UNC80: variants seen among roughly 807,000 people sequenced by gnomAD.
UNC80 encodes unc-80 subunit of NALCN channel complex, also known as protein unc-80 homolog.
A neutral mutation model predicts 384.6 loss-of-function variants in UNC80; 164 were observed. The ratio of observed to expected loss-of-function variants is 0.43; its 90% CI spans 0.38 to 0.49. The LOEUF is 0.49. UNC80 is among the 20% of genes least tolerant of loss of function. The probability of loss-of-function intolerance (pLI) is 0.00; values close to 1 mark genes in which losing one functional copy is unlikely to be tolerated. For synonymous variants in UNC80, 1,486 were observed against 1,527.8 expected (o/e 0.97, Z 0.64); for missense variants, 3,330 against 4,143.0 (o/e 0.80, Z 5.39).
At chr2:209,917,334 G>A (rs2089631144) in intron 31 of UNC80, among the ~76,000 whole-genome samples, 2 of 152,138 alleles carry the variant, frequency 1.3e-5, no homozygotes, top group African/African-American at 4.8e-5. Flanking sequence ...CTCTGGGAAG[G>A]ATATATGTTT....
intron 21 of UNC80, among the ~76,000 whole-genome samples, chr2:209,843,733 C>T (rs2124825347): frequency 6.6e-6 from 1 of 152,216 alleles, no homozygotes; most frequent in African/African-American, 2.4e-5. Flanking sequence ...AGGACAAATG[C>T]AAAGATGTAA....
rs745808855 is a variant in UNC80, at chr2:209,841,742, T to C, written c.3358-608T>C. 7.7e-4 allele frequency among the ~76,000 whole-genome samples: 117 copies of C among 152,202 alleles called. 1 individual carries two copies. Among genetic ancestry groups the C allele is most frequent in the Non-Finnish European group, 2.4e-4 (16 of 68,048 alleles). On this transcript the variant is annotated intron_variant, in intron 20 of 64. Coordinates refer to ENST00000673920, the MANE Select transcript of UNC80 (RefSeq NM_001371986.1). ...GACTATAGCATATTTAGAAAATATA[T>C]GTATCATTCCTTCCTTACCTTCTAT...
At chr2:209,826,391 A>T (rs1400896775) in intron 14 of UNC80, among the ~76,000 whole-genome samples, 2 of 152,342 alleles carry the variant, frequency 1.3e-5, no homozygotes. Flanking sequence ...GGCCTGTAAC[A>T]AATGACTTTT....
chr2:209,924,122 A>C (rs1662887636), intron 35 of UNC80, among the ~76,000 whole-genome samples: 2 of 152,144 alleles, frequency 1.3e-5, no homozygotes, highest in Admixed American at 1.3e-4. Context: ...GGGTTAGTTT[A>C]TGTTGACTGC....
chr2:209,809,354 C>A, intron 7 of UNC80: 2 of 899,866 alleles, frequency 2.2e-6, no homozygotes. Context: ...AAGGCCTTCT[C>A]CAGACCCTGG....
chr2:209,976,278 T>C lies in UNC80; in HGVS notation c.8747T>C (p.Leu2916Pro), dbSNP rs2093011351. The change falls in exon 57 of 65, where the codon CTT (leucine) becomes CCT (proline). Residue 2916 changes from leucine (L) to proline (P), a missense_variant. This residue lies in a region of UNC80 where 1,049 missense variants were observed against 1,488.6 expected (regional missense o/e 0.70). Transcript: ENST00000673920. This position sits in a 1 kb window ranked among gnomAD's most constrained non-coding sequence, Gnocchi z 4.3. ...IVRTRIPIFVLLRPFIQCKLL... is the reference protein window; with the variant it reads ...IVRTRIPIFVPLRPFIQCKLL... ...CGGACCCGAATACCCATCTTTGTGC[T>C]TTTGCGCCCTTTCATCCAGTGCAAG... 1.3e-6 allele frequency: 2 copies of C among 1,551,674 alleles called. No homozygotes were observed. The highest frequency in any genetic ancestry group is 1.7e-6 in the Non-Finnish European group (2 of 1,147,022).
chr2:209,979,210 A>G (rs558075200), intron 59 of UNC80, among the ~76,000 whole-genome samples: 2 of 152,208 alleles, frequency 1.3e-5, no homozygotes, highest in African/African-American at 2.4e-5. Flanking sequence ...GATCGCGCCA[A>G]TGCACTCCAG....
chr2:209,957,619 G>GT, intron 48 of UNC80, 25 bp from the exon 49 acceptor site: 16 of 1,529,280 alleles, frequency 1.0e-5, no homozygotes, highest in Non-Finnish European at 1.4e-5. Flanking sequence ...TTGTTTTGCT[G>GT]TGGTGATTAC....
chr2:209,809,074 G>A (rs927598417), intron 7 of UNC80: 13 of 480,572 alleles, frequency 2.7e-5, no homozygotes, highest in Non-Finnish European at 5.0e-5. Context: ...TGAGGACAGC[G>A]GGAAAGGCTC....
At chr2:209,809,075 G>A in intron 7 of UNC80, 1 of 484,440 alleles carries the variant, frequency 2.1e-6, no homozygotes, top group Non-Finnish European at 3.8e-6. Flanking sequence ...GAGGACAGCG[G>A]GAAAGGCTCC....
chr2:209,871,390 G>A (rs1306690293), intron 22 of UNC80, among the ~76,000 whole-genome samples: 1 of 151,946 alleles, frequency 6.6e-6, no homozygotes, highest in Non-Finnish European at 1.5e-5. Context: ...CTTAAATGGG[G>A]GACATTATTT....
chr2:209,895,029 C>T (rs2086675843), intron 27 of UNC80, among the ~76,000 whole-genome samples: 1 of 152,054 alleles, frequency 6.6e-6, no homozygotes, highest in Admixed American at 6.6e-5. Flanking sequence ...AGAAGATGAC[C>T]ATACAATGTG....
At chr2:209,792,668 T>C (rs1304006478) in intron 6 of UNC80, among the ~76,000 whole-genome samples, 1 of 152,190 alleles carries the variant, frequency 6.6e-6, no homozygotes, top group Non-Finnish European at 1.5e-5. Flanking sequence ...CTTTTTATAT[T>C]GATTCTATGT....
In UNC80 at chr2:209,929,723, A is replaced by G. The variant is rs115198266; in HGVS notation, c.5807-148A>G. On this transcript the variant is annotated intron_variant, in intron 36 of 64. Coordinates refer to ENST00000673920, the MANE Select transcript of UNC80 (RefSeq NM_001371986.1). Reference sequence around the variant, plus strand: ...ATGTTCAGAGACAACAACGAAGAGAACAAACACCTACGTTGCAAAAGAAAA... The same window carrying G: ...ATGTTCAGAGACAACAACGAAGAGAGCAAACACCTACGTTGCAAAAGAAAA... 8.4e-3 allele frequency: 4,538 copies of G among 541,526 alleles called. 30 individuals carry two copies. Among genetic ancestry groups the G allele is most frequent in the Non-Finnish European group, 0.012 (3,784 of 317,384 alleles). The allele number at this position is 541,526 out of a possible 1,614,324, so 33.5% of individuals were successfully genotyped here.
At chr2:209,866,533 CAGAG>C (rs369408644) in intron 22 of UNC80, among the ~76,000 whole-genome samples, 341 of 104,020 alleles carry the variant, frequency 3.3e-3, no homozygotes, top group African/African-American at 8.0e-3. Context: ...CACACACACA[CAGAG>C]AGAGAGAGAG....
intron 47 of UNC80, among the ~76,000 whole-genome samples, chr2:209,951,288 C>T (rs1413331128): frequency 1.5e-5 from 2 of 136,774 alleles, no homozygotes; most frequent in Non-Finnish European, 3.1e-5. Flanking sequence ...TTTAACGTGT[C>T]CTTTTTTTTT....
chr2:209,859,513 TA>T (rs2083198956), intron 22 of UNC80, among the ~76,000 whole-genome samples: 1 of 152,230 alleles, frequency 6.6e-6, no homozygotes, highest in Admixed American at 6.5e-5. Context: ...TGTGTCTTTA[TA>T]GTAGAATGAT....
chr2:209,862,649 C>CTTTT (rs71043955), intron 22 of UNC80, among the ~76,000 whole-genome samples: 2 of 78,802 alleles, frequency 2.5e-5, no homozygotes, highest in East Asian at 2.9e-4. Flanking sequence ...GCAACCTCTG[C>CTTTT]TTTTTTTTTT....
At chr2:209,838,303 T>A (rs887114204) in intron 18 of UNC80, among the ~76,000 whole-genome samples, 6 of 145,280 alleles carry the variant, frequency 4.1e-5, no homozygotes, top group Non-Finnish European at 9.1e-5. Context: ...TCACTGCTAA[T>A]TTATTGAGTA....
Sources: gnomAD v4.1 joint callset for allele counts (sites outside exome capture counted in the v4.1 genomes callset) on GRCh38, gnomAD v4.1.1 for gene constraint, gnomAD v4.1.1 regional missense constraint, Gnocchi (gnomAD v3.1) non-coding constraint, MANE v1.5 for transcripts, NCBI Gene and HGNC (gene_info 2026-07-23, HGNC 2026-07-21) for gene names.